Variants in ADAMTS13 observed in about 807,000 individuals in gnomAD.
The protein encoded by ADAMTS13 is ADAM metallopeptidase with thrombospondin type 1 motif 13.
Under a neutral mutation model 155.1 loss-of-function variants are expected in ADAMTS13, and 110 were observed. The observed-to-expected ratio is 0.71, with a 90% CI of 0.61 to 0.83. ADAMTS13 has a LOEUF of 0.83. Ranked by LOEUF, ADAMTS13 falls within the 40% of genes least tolerant of loss-of-function variation. ADAMTS13 has a pLI of 0.00. For missense variants in ADAMTS13, 1,707 were observed against 1,891.7 expected, an observed-to-expected ratio of 0.90 and a Z score of 1.81; for synonymous variants, 758 against 756.4, an observed-to-expected ratio of 1.00 and a Z score of -0.03.
At chr9:133,449,251 C>T (rs912036769) in intron 22 of ADAMTS13, among the ~76,000 whole-genome samples, 5 of 152,228 alleles carry the variant, frequency 3.3e-5, no homozygotes, top group African/African-American at 9.6e-5. Flanking sequence ...CTTTATGGAG[C>T]ACCTAGGCCC....
In ADAMTS13 at chr9:133,456,655, G is replaced by A. The variant is rs138659427; in HGVS notation, c.3660G>A (p.Gly1220=). The A allele has an allele frequency of 1.2e-6, 2 of 1,603,136 alleles. No individual in the cohort carries two copies. The highest frequency in any genetic ancestry group is 1.7e-6 in the Non-Finnish European group (2 of 1,174,918). The change falls in exon 27 of 29, where the codon GGG becomes GGA. Residue 1220 remains glycine, a synonymous_variant. Coordinates refer to ENST00000355699, the MANE Select transcript of ADAMTS13 (RefSeq NM_139027.6). This position sits in a 1 kb window ranked among gnomAD's most constrained non-coding sequence, Gnocchi z 4.4. ...CGCTGGTGGTGAGGCAGCGCTGCGG[G>A]CGGCCAGGAGGTGGGGTGCTGCTGC... ...TNTLVVRQRC[G]RPGGGVLLRY... is the part of the protein sequence containing the mutation.
intron 25 of ADAMTS13, 137 bp downstream of exon 25, chr9:133,455,572 G>A: frequency 6.2e-7 from 1 of 1,606,430 alleles, no homozygotes; most frequent in Non-Finnish European, 8.5e-7. Flanking sequence ...GGCGGCTCCT[G>A]CCCGGGCCCC....
Position 133,448,257 on chromosome 9 carries a change from C to T in ADAMTS13, c.2732-342C>T, listed in dbSNP as rs587707959. Among the ~76,000 whole-genome samples the T allele has an allele frequency of 1.5e-3, 221 of 152,294 alleles. 2 individuals are homozygous for T. Among genetic ancestry groups the T allele is most frequent in the African/African-American group, 5.1e-3 (213 of 41,562 alleles). ...CCGCCCAAAGTGCTGTGATTACAGG[C>T]GTGAGCCACTGTGCCTGGCCCATAT... On this transcript the variant is annotated intron_variant, in intron 21 of 28. Transcript: ENST00000355699.
At chr9:133,417,794 C>T, upstream of ADAMTS13, 1 of 1,608,930 alleles carries the variant, frequency 6.2e-7, no homozygotes, top group South Asian at 1.1e-5. Context: ...CCGGCTTAGC[C>T]ACGGGGCTGC....
At chr9:133,434,847 C>G (rs1451743702) in intron 11 of ADAMTS13, among the ~76,000 whole-genome samples, 1 of 152,154 alleles carries the variant, frequency 6.6e-6, no homozygotes, top group Non-Finnish European at 1.5e-5. Flanking sequence ...GTGGATTGAC[C>G]TGTTCTAGAC....
chr9:133,428,395 G>A (rs1321243707), intron 6 of ADAMTS13, among the ~76,000 whole-genome samples: 1 of 152,186 alleles, frequency 6.6e-6, no homozygotes, highest in Admixed American at 6.5e-5. Context: ...CAAAAGATGC[G>A]AGAGCCACCC....
rs1554790594 is a variant in ADAMTS13, at chr9:133,440,969, G to A, written c.1968+444G>A. Among the ~76,000 whole-genome samples, 1 of 152,180 alleles carries A rather than the reference G, an allele frequency of 6.6e-6. No individual in the cohort carries two copies. The highest frequency in any genetic ancestry group is 1.9e-4 in the East Asian group (1 of 5,186). On this transcript the variant is annotated intron_variant, in intron 16 of 28. Transcript: ENST00000355699. The surrounding 1 kb of genome is among the most constrained non-coding windows in gnomAD (Gnocchi z 4.3). ...GGGTTTGTGGGGAGATGAAGGCATGGACGCAGGTGCAGTGGCATCTGGGGA... is the reference window on the plus strand; with the variant it reads ...GGGTTTGTGGGGAGATGAAGGCATGAACGCAGGTGCAGTGGCATCTGGGGA...
In ADAMTS13 at chr9:133,415,094, T is replaced by C. The variant is rs73660488; in HGVS notation, n.287+450T>C. The stretch of plus-strand genomic sequence containing the variant: ...TTGAAAAAACTTACGTGTGTATGTA[T>C]ATACACACATATACACCAAACACAT... On this transcript the variant is annotated intron_variant and non_coding_transcript_variant, in intron 1 of 17. Coordinates refer to the ADAMTS13 transcript ENST00000485925. The C allele has an allele frequency of 2.6e-4, 234 of 906,026 alleles. No homozygotes were observed. The African/African-American group carries it at 3.2e-3, about 13-fold the overall frequency. 56.1% of individuals were successfully genotyped at this position (906,026 alleles called of 1,614,324 possible).
At chr9:133,448,860 T>C in intron 22 of ADAMTS13, 132 bp downstream of exon 22, 1 of 1,400,642 alleles carries the variant, frequency 7.1e-7, no homozygotes, top group East Asian at 2.6e-5. Context: ...GGCTGGACCA[T>C]GGCCGCCCCA....
chr9:133,428,757 G>C lies in ADAMTS13; in HGVS notation c.810G>C (p.Leu270=). The C allele has an allele frequency of 7.4e-7, 1 of 1,351,250 alleles. No homozygotes were observed. Among genetic ancestry groups the C allele is most frequent in the South Asian group, 1.7e-5 (1 of 57,156 alleles). 83.7% of individuals were successfully genotyped at this position (1,351,250 alleles called of 1,614,324 possible). The change falls in exon 7 of 29, where the codon CTG becomes CTC. Residue 270 remains leucine, a synonymous_variant. Coordinates refer to ENST00000355699, the MANE Select transcript of ADAMTS13 (RefSeq NM_139027.6). ...GGTCCCCCTGCAGCCGCCGGCAGCTGCTGAGCCTGCTCAGGTAGCGGCCGC... is the reference window on the plus strand; with the variant it reads ...GGTCCCCCTGCAGCCGCCGGCAGCTCCTGAGCCTGCTCAGGTAGCGGCCGC... ...LAWSPCSRRQ[L]LSLLSAGRAR... is the part of the protein sequence containing the mutation.
In ADAMTS13 at chr9:133,428,253, C is replaced by G. The variant is rs36219559; in HGVS notation, c.687-381C>G. ...TTCCTCACAGTAGGTGAATTTCACG[C>G]TCAACACATCCATGTAAACAGTCCC... On this transcript the variant is annotated intron_variant, in intron 6 of 28. Coordinates refer to ENST00000355699, the MANE Select transcript of ADAMTS13 (RefSeq NM_139027.6). 4.0e-3 allele frequency among the ~76,000 whole-genome samples: 604 copies of G among 152,358 alleles called. 10 individuals carry two copies. The highest frequency in any genetic ancestry group is 0.014 in the African/African-American group (572 of 41,574).
Position 133,441,780 on chromosome 9 carries a change from A to G in ADAMTS13, c.1969-619A>G, listed in dbSNP as rs1033540332. Reference sequence around the variant, plus strand: ...CCGACCCTACCACAGGTCCCCAGGGATCCAGTTTCTTCCTGCCGACCCTAC... The same window carrying G: ...CCGACCCTACCACAGGTCCCCAGGGGTCCAGTTTCTTCCTGCCGACCCTAC... On this transcript the variant is annotated intron_variant, in intron 16 of 28. Coordinates refer to ENST00000355699, the MANE Select transcript of ADAMTS13 (RefSeq NM_139027.6). The surrounding 1 kb of genome is among the most constrained non-coding windows in gnomAD (Gnocchi z 5.0). 7.2e-5 allele frequency among the ~76,000 whole-genome samples: 11 copies of G among 152,158 alleles called. No individual in the cohort carries two copies. The South Asian group carries it at 1.0e-3, about 14-fold the overall frequency.
chr9:133,417,776 G>T, upstream of ADAMTS13: 1 of 1,611,354 alleles, frequency 6.2e-7, no homozygotes, highest in South Asian at 1.1e-5. Context: ...TGAGCGTCTT[G>T]ACAGGACCCG....
chr9:133,435,696 A>AT (rs35285378), intron 11 of ADAMTS13, among the ~76,000 whole-genome samples: 38,818 of 149,656 alleles, frequency 0.26, 6,247 homozygotes, highest in South Asian at 0.39. Context: ...CGCCCGGCTA[A>AT]TTTTTTTTTG....
Position 133,442,390 on chromosome 9 carries a change from T to C in ADAMTS13, c.1969-9T>C. ...CCACTGGACAAGGCCTGAAGCTCTT[T>C]GTCTGCAGGTTTACAGGCGGTATGG... On this transcript the variant is annotated splice_polypyrimidine_tract_variant and intron_variant, in intron 16 of 28. Transcript: ENST00000355699. The C allele has an allele frequency of 6.2e-7, 1 of 1,613,936 alleles. No homozygotes were observed. Among genetic ancestry groups the C allele is most frequent in the African/African-American group, 1.3e-5 (1 of 75,062 alleles).
chr9:133,453,458 C>T (rs587710720), intron 23 of ADAMTS13, among the ~76,000 whole-genome samples: 108 of 151,506 alleles, frequency 7.1e-4, no homozygotes, highest in African/African-American at 2.5e-3. Flanking sequence ...CCAGCCTGGG[C>T]GATGAGTGAG....
chr9:133,435,144 C>T (rs1025977383), intron 11 of ADAMTS13, among the ~76,000 whole-genome samples: 1 of 151,578 alleles, frequency 6.6e-6, no homozygotes, highest in East Asian at 1.9e-4. Context: ...TGCTGAAGAG[C>T]GGAGTTACTG....
intron 24 of ADAMTS13, among the ~76,000 whole-genome samples, chr9:133,454,934 G>GTAAAA (rs1384338477): frequency 6.6e-6 from 1 of 152,190 alleles, no homozygotes; most frequent in Non-Finnish European, 1.5e-5. Flanking sequence ...AGGGTAAATG[G>GTAAAA]GGTTCAGGCT....
rs1302672123 is a variant in ADAMTS13 at position 133,440,711 on chromosome 9, G to C, written c.1968+186G>C. ...TGTAGCTAGCTCCTCCAGGGGCTTA[G>C]GGTCCCACAAATATCCAAATGTGCC... On this transcript the variant is annotated intron_variant, in intron 16 of 28. Transcript: ENST00000355699. The surrounding 1 kb of genome is among the most constrained non-coding windows in gnomAD (Gnocchi z 4.3). Among the ~76,000 whole-genome samples the C allele has an allele frequency of 2.0e-5, 3 of 152,170 alleles. No individual in the cohort carries two copies. In the East Asian group the frequency reaches 5.8e-4, roughly 29 times the overall value.
Sources: gnomAD v4.1 joint callset for allele counts (sites outside exome capture counted in the v4.1 genomes callset) on GRCh38, gnomAD v4.1.1 for gene constraint, Gnocchi (gnomAD v3.1) non-coding constraint, MANE v1.5 for transcripts, NCBI Gene and HGNC (gene_info 2026-07-23, HGNC 2026-07-21) for gene names.